Variants in LTBP1 observed in about 807,000 individuals in gnomAD.
LTBP1 encodes the protein latent transforming growth factor beta binding protein 1, also known as latent-transforming growth factor beta-binding protein 1.
A neutral mutation model predicts 207.6 loss-of-function variants in LTBP1; 129 were observed. The ratio of observed to expected loss-of-function variants is 0.62; its 90% confidence interval spans 0.54 to 0.72. LTBP1 has a LOEUF of 0.72. Ranked by LOEUF, LTBP1 falls within the 30% of genes least tolerant of loss-of-function variation. LTBP1 has a pLI of 0.00. For synonymous variants in LTBP1, 963 were observed against 833.7 expected (o/e 1.16, Z -2.67); for missense variants, 2,281 against 2,217.2 (o/e 1.03, Z -0.58).
chr2:33,179,205 T>C (rs539217750), intron 5 of LTBP1, among the ~76,000 whole-genome samples: 2 of 152,304 alleles, frequency 1.3e-5, no homozygotes, highest in African/African-American at 4.8e-5. Context: ...GTGATTTTTT[T>C]TAAAGCTCAT....
chr2:32,968,215 C>T (rs1347678965), intron 2 of LTBP1, among the ~76,000 whole-genome samples: 3 of 152,190 alleles, frequency 2.0e-5, no homozygotes, highest in Admixed American at 2.0e-4. Context: ...ATCCGCCTGC[C>T]TTGGCCTCCC....
intron 5 of LTBP1, among the ~76,000 whole-genome samples, chr2:33,150,582 C>G (rs2083429157): frequency 6.6e-6 from 1 of 151,916 alleles, no homozygotes; most frequent in South Asian, 2.1e-4. Context: ...TCTCCCCTAG[C>G]CTCTGGTCAC....
chr2:33,252,902 CA>C, intron 11 of LTBP1, 58 bp downstream of exon 11: 1 of 1,405,584 alleles, frequency 7.1e-7, no homozygotes, highest in Non-Finnish European at 9.5e-7. Context: ...GTACACGGGA[CA>C]ACTTTGGCAC....
chr2:33,188,548 T>C (rs758177289), intron 6 of LTBP1, 29 bp from the exon 7 acceptor site: 4 of 1,586,010 alleles, frequency 2.5e-6, no homozygotes, highest in South Asian at 1.1e-5. Context: ...TATTCAGGAC[T>C]AACAAGTTTT....
chr2:33,172,923 G>A lies in LTBP1; in HGVS notation c.1202-13933G>A, dbSNP rs549949818. On this transcript the variant is annotated intron_variant, in intron 5 of 33. Transcript: ENST00000404816. Reference sequence around the variant, plus strand: ...ATGACTACTGGGTACATAACAAAATGAAGGCAGAAATAAAGATGTTCTTTG... The same window carrying A: ...ATGACTACTGGGTACATAACAAAATAAAGGCAGAAATAAAGATGTTCTTTG... 5.6e-3 allele frequency among the ~76,000 whole-genome samples: 854 copies of A among 152,116 alleles called. 8 individuals carry two copies. The highest frequency in any genetic ancestry group is 0.014 in the African/African-American group (600 of 41,486).
intron 20 of LTBP1, among the ~76,000 whole-genome samples, chr2:33,297,908 T>C (rs1023046637): frequency 6.6e-6 from 1 of 152,198 alleles, no homozygotes; most frequent in Non-Finnish European, 1.5e-5. Flanking sequence ...TGATCTTATC[T>C]ATCTTAAAGA....
chr2:33,145,333 C>G (rs1286905529), intron 5 of LTBP1, among the ~76,000 whole-genome samples: 1 of 152,096 alleles, frequency 6.6e-6, no homozygotes, highest in Non-Finnish European at 1.5e-5. Context: ...TTCAGATGCC[C>G]ATCAGCTTCA....
At chr2:32,961,410 T>TA (rs1279443084) in intron 2 of LTBP1, among the ~76,000 whole-genome samples, 5 of 152,118 alleles carry the variant, frequency 3.3e-5, no homozygotes, top group African/African-American at 9.7e-5. Flanking sequence ...GTACTAAATT[T>TA]AAAAAAATGT....
chr2:33,215,723 G>GTT lies in LTBP1; in HGVS notation c.1702-1818_1702-1817dup, dbSNP rs11381516. On this transcript the variant is annotated intron_variant, in intron 7 of 33. Transcript: ENST00000404816. The stretch of plus-strand genomic sequence containing the variant: ...TTCCATTGGTTTTCTTTTGTTTTTT[G>GTT]TTTTTTTTTTTTGAGATAGAGTCTC... Among the ~76,000 whole-genome samples, 12 of 138,630 alleles carry GTT rather than the reference G, an allele frequency of 8.7e-5. No homozygotes were observed. In the South Asian group the frequency reaches 1.1e-3, roughly 13 times the overall value. 90.9% of individuals were successfully genotyped at this position (138,630 alleles called of 152,430 possible). A position where few individuals can be genotyped will look rare whatever the true frequency, so the allele number is the denominator to read the frequency against.
intron 26 of LTBP1, among the ~76,000 whole-genome samples, chr2:33,352,101 C>T (rs931422239): frequency 1.3e-5 from 2 of 151,948 alleles, no homozygotes; most frequent in African/African-American, 4.8e-5. Flanking sequence ...AAATTAATCA[C>T]CATTTCCTCT....
rs148938192 is a variant in LTBP1 at position 33,389,002 on chromosome 2, C to T, written c.4712-182C>T. 4.6e-3 allele frequency among the ~76,000 whole-genome samples: 699 copies of T among 152,256 alleles called. 6 individuals are homozygous for T. Among genetic ancestry groups the T allele is most frequent in the African/African-American group, 0.016 (666 of 41,544 alleles). Reference sequence around the variant, plus strand: ...ATTATGCTGTACAGCAGTCGTTGTACGTGGATGCATAAAATTCCCATCAAA... The same window carrying T: ...ATTATGCTGTACAGCAGTCGTTGTATGTGGATGCATAAAATTCCCATCAAA... On this transcript the variant is annotated intron_variant, in intron 31 of 33. Coordinates refer to ENST00000404816, the MANE Select transcript of LTBP1 (RefSeq NM_206943.4).
chr2:32,953,306 T>G (rs887676753), intron 2 of LTBP1, among the ~76,000 whole-genome samples: 3 of 152,234 alleles, frequency 2.0e-5, no homozygotes, highest in African/African-American at 4.8e-5. Context: ...CCCTCTTGGC[T>G]TGGCATCGTG....
At chr2:33,326,867 T>C (rs1483097192) in intron 24 of LTBP1, among the ~76,000 whole-genome samples, 1 of 152,092 alleles carries the variant, frequency 6.6e-6, no homozygotes, top group Non-Finnish European at 1.5e-5. Context: ...TTTCACCATG[T>C]TGGCCAGGCT....
At chr2:33,065,477 T>G (rs2077465266) in intron 3 of LTBP1, among the ~76,000 whole-genome samples, 1 of 152,072 alleles carries the variant, frequency 6.6e-6, no homozygotes, top group Admixed American at 6.6e-5. Context: ...TTACTTGAGC[T>G]CAGGAGTTTG....
intron 24 of LTBP1, among the ~76,000 whole-genome samples, chr2:33,327,500 T>C: frequency 6.6e-6 from 1 of 152,090 alleles, no homozygotes; most frequent in East Asian, 1.9e-4. Context: ...CATGTACAAA[T>C]GGAGTTGAGT....
chr2:33,254,865 T>TGTTG (rs1219374461), intron 11 of LTBP1, among the ~76,000 whole-genome samples: 14 of 113,662 alleles, frequency 1.2e-4, no homozygotes, highest in African/African-American at 4.4e-4. Flanking sequence ...TTTTTTTTTT[T>TGTTG]TTTTTTTTTT....
intron 20 of LTBP1, among the ~76,000 whole-genome samples, chr2:33,295,325 G>A (rs905979229): frequency 5.2e-4 from 79 of 152,098 alleles, no homozygotes; most frequent in African/African-American, 1.8e-3. Flanking sequence ...TCAGGAGTTC[G>A]AGACCAGCTT....
At chr2:33,267,219 A>C (rs1573520212) in intron 15 of LTBP1, among the ~76,000 whole-genome samples, 1 of 152,204 alleles carries the variant, frequency 6.6e-6, no homozygotes, top group South Asian at 2.1e-4. Flanking sequence ...GCTGGACCCC[A>C]TGCTTGCTTG....
At chr2:32,951,860 G>A (rs1366072464) in intron 2 of LTBP1, among the ~76,000 whole-genome samples, 5 of 152,122 alleles carry the variant, frequency 3.3e-5, no homozygotes, top group Admixed American at 1.3e-4. Flanking sequence ...CTTATTATGC[G>A]GAGATTGAAC....
Sources: gnomAD v4.1 joint callset for allele counts (sites outside exome capture counted in the v4.1 genomes callset) on GRCh38, gnomAD v4.1.1 for gene constraint, MANE v1.5 for transcripts, NCBI Gene and HGNC (gene_info 2026-07-23, HGNC 2026-07-21) for gene names.